SLC9A2: variants seen among roughly 807,000 people sequenced by gnomAD.
SLC9A2 encodes the protein sodium/hydrogen exchanger 2.
A neutral mutation model predicts 71.7 loss-of-function variants in SLC9A2; 42 were observed. The ratio of observed to expected loss-of-function variants is 0.59; its 90% CI spans 0.46 to 0.76. The LOEUF is 0.76. SLC9A2 is among the 30% of genes least tolerant of loss of function. The pLI, the probability that SLC9A2 is intolerant of heterozygous loss-of-function variation, is 0.00. For missense variants in SLC9A2, 829 were observed against 1,017.4 expected (o/e 0.81, Z 2.52); for synonymous variants, 396 against 392.5 (o/e 1.01, Z -0.10).
intron 1 of SLC9A2, among the ~76,000 whole-genome samples, chr2:102,643,317 A>C (rs1210968389): frequency 1.3e-5 from 2 of 151,604 alleles, no homozygotes; most frequent in Non-Finnish European, 2.9e-5. Context: ...TGTTCCTTAC[A>C]CTCTGGTGAG....
chr2:102,688,620 C>T (rs541493324), intron 5 of SLC9A2, among the ~76,000 whole-genome samples: 13 of 152,058 alleles, frequency 8.5e-5, no homozygotes, highest in African/African-American at 2.9e-4. Context: ...CCCAGCTACT[C>T]GGGAGGCTGA....
intron 7 of SLC9A2, among the ~76,000 whole-genome samples, chr2:102,695,379 C>T (rs140818563): frequency 0.011 from 1,647 of 152,160 alleles, 28 homozygotes; most frequent in African/African-American, 0.038. Context: ...CCCCAGGGTC[C>T]GAGGACTGTC....
In SLC9A2 at chr2:102,684,145, C is replaced by T. The variant is rs745941008; in HGVS notation, c.1234C>T (p.Leu412=). 8.7e-6 allele frequency: 14 copies of T among 1,613,894 alleles called. No homozygotes were observed. Among genetic ancestry groups the T allele is most frequent in the Non-Finnish European group, 1.1e-5 (13 of 1,179,880 alleles). ...TTCTTTCTTTGCAGGTGTTTTTGTC[C>T]TGACTCAGGTCATTAATAGGTTCCG... The part of the protein sequence containing the change: ...LMWRALGVFV[L]TQVINRFRTI... The change falls in exon 5 of 12, where the codon CTG becomes TTG. Residue 412 remains leucine (L), a synonymous_variant. Transcript: ENST00000233969.
At chr2:102,671,093 A>G (rs553997197) in intron 3 of SLC9A2, among the ~76,000 whole-genome samples, 1 of 152,190 alleles carries the variant, frequency 6.6e-6, no homozygotes, top group Non-Finnish European at 1.5e-5. Flanking sequence ...CAAACACAGG[A>G]TGCCAACTGA....
intron 1 of SLC9A2, among the ~76,000 whole-genome samples, chr2:102,650,649 G>A (rs1676814025): frequency 1.3e-5 from 2 of 152,066 alleles, no homozygotes; most frequent in South Asian, 4.1e-4. Context: ...TGATAACACT[G>A]GTTAAATTAT....
chr2:102,651,222 G>T (rs1676827091), intron 1 of SLC9A2, among the ~76,000 whole-genome samples: 1 of 152,112 alleles, frequency 6.6e-6, no homozygotes, highest in African/African-American at 2.4e-5. Context: ...TCACTGGCCT[G>T]CCTGCTTCTG....
At position 102,657,215 on chromosome 2, in the gene SLC9A2, AAT is replaced by A. The variant is rs1340593529; in HGVS notation, c.290-347_290-346del. 5.5e-5 allele frequency among the ~76,000 whole-genome samples: 8 copies of A among 146,478 alleles called. No individual in the cohort carries two copies. The East Asian group carries it at 1.4e-3, about 25-fold the overall frequency. On this transcript the variant is annotated intron_variant, in intron 1 of 11. Transcript: ENST00000233969. ...AGCAAGACTCCATCTCAAAAAAAAA[AAT>A]AATAATAATAATAATAAAATTGTGT...
At chr2:102,692,311 GCCAATCA>G (rs935253216) in intron 5 of SLC9A2, among the ~76,000 whole-genome samples, 1 of 152,118 alleles carries the variant, frequency 6.6e-6, no homozygotes, top group Non-Finnish European at 1.5e-5. Context: ...ATGGAAAAAA[GCCAATCA>G]CCTCCTTTAA....
chr2:102,642,831 T>C (rs1033691487), intron 1 of SLC9A2, among the ~76,000 whole-genome samples: 3 of 152,152 alleles, frequency 2.0e-5, no homozygotes, highest in Non-Finnish European at 4.4e-5. Context: ...ATTTTAACTG[T>C]TTTTGCTAGT....
chr2:102,676,314 C>T (rs1677344798), intron 3 of SLC9A2, among the ~76,000 whole-genome samples: 2 of 152,196 alleles, frequency 1.3e-5, no homozygotes, highest in Admixed American at 6.5e-5. Context: ...AATGGGGACA[C>T]TCCATGGGAC....
At chr2:102,654,254 C>A (rs978582222) in intron 1 of SLC9A2, among the ~76,000 whole-genome samples, 1 of 131,624 alleles carries the variant, frequency 7.6e-6, no homozygotes, top group Non-Finnish European at 1.6e-5. Flanking sequence ...TCTTATCACA[C>A]ACTAGCAGGT....
chr2:102,705,378 C>A (rs1677954470), intron 10 of SLC9A2, among the ~76,000 whole-genome samples: 1 of 151,980 alleles, frequency 6.6e-6, no homozygotes, highest in African/African-American at 2.4e-5. Context: ...TAATTTAAAA[C>A]ACTAGCGACT....
intron 1 of SLC9A2, among the ~76,000 whole-genome samples, chr2:102,628,796 G>A (rs910946919): frequency 5.9e-5 from 9 of 151,864 alleles, no homozygotes; most frequent in Non-Finnish European, 1.2e-4. Flanking sequence ...TGATTCTCCC[G>A]CCTAAGCCTC....
intron 1 of SLC9A2, among the ~76,000 whole-genome samples, chr2:102,631,960 C>A (rs1482165282): frequency 7.4e-6 from 1 of 135,774 alleles, no homozygotes; most frequent in Non-Finnish European, 1.5e-5. Context: ...AAGTATTCAT[C>A]TACTTGGTTC....
At chr2:102,691,753 C>A (rs1002080047) in intron 5 of SLC9A2, among the ~76,000 whole-genome samples, 1 of 152,116 alleles carries the variant, frequency 6.6e-6, no homozygotes, top group Non-Finnish European at 1.5e-5. Context: ...GGGTGGTAGG[C>A]CACACTTGCT....
intron 3 of SLC9A2, among the ~76,000 whole-genome samples, chr2:102,681,078 G>A (rs976913439): frequency 4.6e-5 from 7 of 152,206 alleles, no homozygotes; most frequent in African/African-American, 1.7e-4. Context: ...AAGCCACTCA[G>A]TTTGTGGTTA....
At chr2:102,676,085 G>A (rs6759341) in intron 3 of SLC9A2, among the ~76,000 whole-genome samples, 6 of 152,196 alleles carry the variant, frequency 3.9e-5, no homozygotes, top group Non-Finnish European at 5.9e-5. Context: ...CCAGAAAGCA[G>A]CAACTCATGC....
chr2:102,632,201 T>C (rs1487676857), intron 1 of SLC9A2, among the ~76,000 whole-genome samples: 1 of 135,626 alleles, frequency 7.4e-6, no homozygotes. Flanking sequence ...TAAATGAAAG[T>C]GGGGATATAA....
At chr2:102,661,619 ATCAAAGT>A (rs1460576287) in intron 2 of SLC9A2, among the ~76,000 whole-genome samples, 3 of 152,308 alleles carry the variant, frequency 2.0e-5, no homozygotes, top group Non-Finnish European at 2.9e-5. Context: ...TGCTTTTAAA[ATCAAAGT>A]TCAAAGTTCC....
Sources: gnomAD v4.1 joint callset for allele counts (sites outside exome capture counted in the v4.1 genomes callset) on GRCh38, gnomAD v4.1.1 for gene constraint, MANE v1.5 for transcripts, NCBI Gene and HGNC (gene_info 2026-07-23, HGNC 2026-07-21) for gene names.